FHL2: variants seen among roughly 807,000 people sequenced by gnomAD.
The protein encoded by FHL2 is four and a half LIM domains 2.
In FHL2, 20 loss-of-function variants were observed where a neutral mutation model predicts 32.7. That is an observed-to-expected ratio of 0.61 (90% CI 0.43 to 0.89). The LOEUF is 0.89. Among genes scored for constraint, FHL2 ranks in the 40% least tolerant of loss-of-function variants. The pLI is 0.00. For missense variants in FHL2, 311 were observed against 358.6 expected (o/e 0.87, Z 1.07); for synonymous variants, 123 against 128.1 (o/e 0.96, Z 0.27).
At chr2:105,369,810 G>T (rs529587273) in intron 4 of FHL2, among the ~76,000 whole-genome samples, 1 of 152,260 alleles carries the variant, frequency 6.6e-6, no homozygotes, top group South Asian at 2.1e-4. Flanking sequence ...TGGCATTCTT[G>T]TCGAGTTCTG....
chr2:105,362,283 A>G (rs1486862957), intron 6 of FHL2, among the ~76,000 whole-genome samples: 1 of 152,208 alleles, frequency 6.6e-6, no homozygotes, highest in Non-Finnish European at 1.5e-5. Context: ...GGTAAAGTGT[A>G]AATACTGTGC....
At chr2:105,374,605 G>A (rs991333419) in intron 3 of FHL2, 7 of 152,250 alleles carry the variant, frequency 4.6e-5, no homozygotes, top group African/African-American at 1.7e-4. Flanking sequence ...GAAGACAGAC[G>A]TGTGCTTTTG....
At chr2:105,390,115 C>G (rs879278253) in intron 2 of FHL2, 2 of 153,140 alleles carry the variant, frequency 1.3e-5, no homozygotes, top group Non-Finnish European at 2.9e-5. Context: ...ACCTGTAGTC[C>G]CAGCTACTTG....
intron 1 of FHL2, among the ~76,000 whole-genome samples, chr2:105,425,323 C>G (rs1015112557): frequency 1.8e-4 from 28 of 152,276 alleles, no homozygotes; most frequent in African/African-American, 6.7e-4. Context: ...ATTCTCTAGT[C>G]TCAATAAACC....
intron 1 of FHL2, among the ~76,000 whole-genome samples, chr2:105,417,637 T>C (rs1159895691): frequency 1.5e-5 from 2 of 136,588 alleles, no homozygotes; most frequent in African/African-American, 5.7e-5. Context: ...TGAGTCAAGA[T>C]TGTGTCACTG....
chr2:105,434,200 T>G (rs375169585), intron 1 of FHL2, among the ~76,000 whole-genome samples: 21 of 152,378 alleles, frequency 1.4e-4, no homozygotes, highest in African/African-American at 4.3e-4. Context: ...ATTCAAACCA[T>G]GCTGTCCCTT....
At chr2:105,403,615 C>T (rs1683539927), upstream of FHL2, among the ~76,000 whole-genome samples, 1 of 152,202 alleles carries the variant, frequency 6.6e-6, no homozygotes, top group Non-Finnish European at 1.5e-5. Flanking sequence ...CTCAGGCCAG[C>T]TCCTGCTTTA....
At position 105,362,192 on chromosome 2, in the gene FHL2, G is replaced by T. The variant is rs1223740049; in HGVS notation, c.689-758C>A. ...ACAGCATTAAAGATGAATATGTTCT[G>T]GCAAAAGATTACATTTTCCCCCTAA... is the stretch of plus-strand genomic sequence containing the variant. On this transcript the variant is annotated intron_variant, in intron 6 of 6. Transcript: ENST00000530340. Among the ~76,000 whole-genome samples, 4 of 152,250 alleles carry T rather than the reference G, an allele frequency of 2.6e-5. No homozygotes were observed. The South Asian group carries it at 6.2e-4, about 24-fold the overall frequency.
chr2:105,432,012 T>C (rs1684451393), intron 1 of FHL2, among the ~76,000 whole-genome samples: 1 of 152,254 alleles, frequency 6.6e-6, no homozygotes, highest in South Asian at 2.1e-4. Context: ...ACTTTCATTA[T>C]TCAAACAATG....
intron 1 of FHL2, among the ~76,000 whole-genome samples, chr2:105,409,653 T>C: frequency 6.6e-6 from 1 of 152,160 alleles, no homozygotes; most frequent in East Asian, 1.9e-4. Context: ...GTAAATAATA[T>C]GATATTATTG....
intron 4 of FHL2, 58 bp from the exon 5 acceptor site, chr2:105,367,797 C>T: frequency 6.5e-7 from 1 of 1,538,048 alleles, no homozygotes; most frequent in Non-Finnish European, 8.8e-7. Context: ...TGTGGAGTCC[C>T]AGCAATCTGC....
intron 2 of FHL2, among the ~76,000 whole-genome samples, chr2:105,393,805 C>T (rs981411876): frequency 1.3e-5 from 2 of 152,246 alleles, no homozygotes; most frequent in Non-Finnish European, 2.9e-5. Context: ...GAGCTTCCAT[C>T]GCTGCCCTCG....
chr2:105,417,419 T>C (rs1683965322), intron 1 of FHL2, among the ~76,000 whole-genome samples: 1 of 151,336 alleles, frequency 6.6e-6, no homozygotes, highest in Non-Finnish European at 1.5e-5. Context: ...GCACGGTGGC[T>C]CACGCCTGTA....
At chr2:105,406,150 A>G (rs1336287509) in intron 1 of FHL2, among the ~76,000 whole-genome samples, 2 of 152,244 alleles carry the variant, frequency 1.3e-5, no homozygotes, top group Non-Finnish European at 2.9e-5. Context: ...ATCTTTCTCC[A>G]TCCTTGCAAT....
chr2:105,399,005 T>C lies in FHL2; in HGVS notation c.-239A>G. On this transcript the variant is annotated 5_prime_UTR_variant, in exon 1 of 7. Coordinates refer to ENST00000530340, the MANE Select transcript of FHL2 (RefSeq NM_001318895.3). ...CGGGCCGGGGACTCCCGGACGGGGC[T>C]GGAGGGCGCGGGCGGCTGGTGGCTG... 6.7e-7 allele frequency: 1 copy of C among 1,503,458 alleles called. No individual in the cohort carries two copies. The highest frequency in any genetic ancestry group is 8.9e-7 in the Non-Finnish European group (1 of 1,129,418). 93.1% of individuals were successfully genotyped at this position (1,503,458 alleles called of 1,614,324 possible).
intron 2 of FHL2, among the ~76,000 whole-genome samples, chr2:105,388,668 C>CAAA (rs34817426): frequency 3.9e-5 from 5 of 129,708 alleles, no homozygotes; most frequent in African/African-American, 8.6e-5. Context: ...ACTAAAAATA[C>CAAA]AAAAAAAAAA....
chr2:105,380,598 A>G (rs1681819073), intron 3 of FHL2, among the ~76,000 whole-genome samples: 1 of 152,200 alleles, frequency 6.6e-6, no homozygotes, highest in Non-Finnish European at 1.5e-5. Context: ...CCATGCCGGT[A>G]GCTTAATTTT....
chr2:105,378,356 A>G (rs975589893), intron 3 of FHL2: 1 of 370,788 alleles, frequency 2.7e-6, no homozygotes, highest in Non-Finnish European at 5.4e-6. Context: ...CTGTCCCCCC[A>G]CACCCTGCTC....
chr2:105,374,600 C>G (rs1190968200), intron 3 of FHL2: 1 of 152,078 alleles, frequency 6.6e-6, no homozygotes, highest in Admixed American at 6.6e-5. Flanking sequence ...CCTGAGAAGA[C>G]AGACGTGTGC....
Sources: allele counts gnomAD v4.1 joint callset (sites outside exome capture counted in the v4.1 genomes callset), GRCh38; gene constraint gnomAD v4.1.1; transcripts MANE v1.5; gene names NCBI Gene and HGNC (gene_info 2026-07-23, HGNC 2026-07-21).